Variants in STAU2 observed in about 807,000 individuals in gnomAD.
STAU2 encodes double-stranded RNA-binding protein Staufen homolog 2.
A neutral mutation model predicts 65.9 loss-of-function variants in STAU2; 20 were observed. The observed-to-expected ratio is 0.30, with a 90% CI of 0.21 to 0.44. The LOEUF (loss-of-function observed/expected upper bound fraction) is 0.44. STAU2 is among the 20% of genes least tolerant of loss of function. STAU2 has a pLI of 1.00. For synonymous variants in STAU2, 232 were observed against 233.9 expected (o/e 0.99, Z 0.07); for missense variants, 558 against 683.9 (o/e 0.82, Z 2.05).
intron 6 of STAU2, among the ~76,000 whole-genome samples, chr8:73,643,269 T>C (rs1815128203): frequency 6.6e-6 from 1 of 152,218 alleles, no homozygotes. Flanking sequence ...TAGCCTTTAA[T>C]TAATATAGCA....
At position 73,603,803 on chromosome 8, in the gene STAU2, C is replaced by T. The variant is rs771387327; in HGVS notation, c.952G>A (p.Ala318Thr). The change falls in exon 10 of 15, where the codon GCC (alanine) becomes ACC (threonine). Residue 318 changes from alanine (A) to threonine (T), a missense_variant. Physicochemically the swap from Ala to Thr is moderately conservative, Grantham distance 58. Around this residue, in one of 3 missense-constraint regions of STAU2, gnomAD observed 199 missense variants for 299.5 expected, o/e 0.66. Coordinates refer to ENST00000524300, the MANE Select transcript of STAU2 (RefSeq NM_001164380.2). Reference protein sequence around the residue: ...PISRLAQIQQAKKEKEPDYVL... With the variant: ...PISRLAQIQQTKKEKEPDYVL... The stretch of plus-strand genomic sequence containing the variant: ...TAATCCGGCTCCTTTTCCTTTTTGG[C>T]CTGTTGAATTTGCGCCAGGCGGCTA... The T allele has an allele frequency of 6.2e-7, 1 of 1,611,848 alleles. No individual in the cohort carries two copies. Among genetic ancestry groups the T allele is most frequent in the Admixed American group, 1.7e-5 (1 of 59,940 alleles).
At chr8:73,549,701 A>G (rs546507835) in intron 13 of STAU2, 1 of 985,542 alleles carries the variant, frequency 1.0e-6, no homozygotes, top group African/African-American at 1.7e-5. Context: ...TGGGCAAGGA[A>G]AGCCAAAGAA....
intron 6 of STAU2, among the ~76,000 whole-genome samples, chr8:73,618,148 G>A (rs758414084): frequency 2.0e-5 from 3 of 152,150 alleles, no homozygotes; most frequent in Non-Finnish European, 2.9e-5. Flanking sequence ...TTTATGGAGC[G>A]TCTTCTATTT....
intron 6 of STAU2, among the ~76,000 whole-genome samples, chr8:73,633,699 G>C (rs1375121563): frequency 6.6e-6 from 1 of 152,144 alleles, no homozygotes; most frequent in Non-Finnish European, 1.5e-5. Context: ...AGACCACTGA[G>C]GCCAGGCACG....
At chr8:73,721,406 G>A (rs1160739444) in intron 3 of STAU2, among the ~76,000 whole-genome samples, 2 of 151,094 alleles carry the variant, frequency 1.3e-5, no homozygotes, top group Non-Finnish European at 2.9e-5. Flanking sequence ...TAGGTAGAGT[G>A]TTCTATAAAT....
chr8:73,505,274 G>C (rs11995768), intron 13 of STAU2, among the ~76,000 whole-genome samples: 3 of 151,886 alleles, frequency 2.0e-5, no homozygotes, highest in Admixed American at 1.3e-4. Flanking sequence ...AAACAGTTAA[G>C]CAAAAGGAAC....
At chr8:73,716,849 A>G (rs1821285381) in intron 3 of STAU2, among the ~76,000 whole-genome samples, 1 of 152,126 alleles carries the variant, frequency 6.6e-6, no homozygotes, top group Non-Finnish European at 1.5e-5. Flanking sequence ...CACGCCTGTA[A>G]TCCCAGTACT....
intron 13 of STAU2, among the ~76,000 whole-genome samples, chr8:73,435,672 T>C (rs1488692712): frequency 1.3e-5 from 2 of 151,986 alleles, no homozygotes; most frequent in Non-Finnish European, 2.9e-5. Context: ...CCAAGGAATA[T>C]GGATAATAGT....
At chr8:73,524,896 C>T (rs182144752) in intron 13 of STAU2, among the ~76,000 whole-genome samples, 1 of 152,262 alleles carries the variant, frequency 6.6e-6, no homozygotes, top group East Asian at 1.9e-4. Flanking sequence ...GATGCTGCTA[C>T]GGTGAAGGAG....
chr8:73,648,346 A>G (rs952761937), intron 6 of STAU2, among the ~76,000 whole-genome samples: 1 of 152,224 alleles, frequency 6.6e-6, no homozygotes, highest in African/African-American at 2.4e-5. Flanking sequence ...TATTTTGTAA[A>G]ATGGGTTTGA....
Position 73,622,478 on chromosome 8 carries a change from G to C in STAU2, c.411-5027C>G, listed in dbSNP as rs1813339357. Among the ~76,000 whole-genome samples the C allele has an allele frequency of 1.3e-5, 2 of 152,064 alleles. 1 individual carries two copies. The highest frequency in any genetic ancestry group is 4.2e-4 in the South Asian group (2 of 4,812). ...TCCTCACTACAGCCTGGTGAGGCAG[G>C]AGATGTCCCCAAGGTCACCTTAAGA... On this transcript the variant is annotated intron_variant, in intron 6 of 14. Coordinates refer to ENST00000524300, the MANE Select transcript of STAU2 (RefSeq NM_001164380.2).
At chr8:73,435,657 T>A (rs1452220536) in intron 13 of STAU2, among the ~76,000 whole-genome samples, 2 of 151,964 alleles carry the variant, frequency 1.3e-5, no homozygotes, top group Admixed American at 6.5e-5. Context: ...CCCCATAATT[T>A]ACCTCCAAGG....
intron 12 of STAU2, 77 bp from the exon 13 acceptor site, chr8:73,552,396 C>G: frequency 7.7e-7 from 1 of 1,297,170 alleles, no homozygotes; most frequent in Non-Finnish European, 1.0e-6. Flanking sequence ...AACTCAATGG[C>G]TTTACTTGGT....
At chr8:73,741,304 CA>C (rs761906073) in intron 1 of STAU2, among the ~76,000 whole-genome samples, 67 of 112,000 alleles carry the variant, frequency 6.0e-4, no homozygotes, top group Admixed American at 6.1e-4. Flanking sequence ...GACTCCGTCT[CA>C]AAAAAAAAAA....
intron 13 of STAU2, among the ~76,000 whole-genome samples, chr8:73,486,623 A>C (rs1820921583): frequency 6.9e-6 from 1 of 145,958 alleles, no homozygotes; most frequent in Admixed American, 6.9e-5. Flanking sequence ...ATATATATAT[A>C]TATACACATT....
chr8:73,500,870 A>G (rs748978062), intron 13 of STAU2, among the ~76,000 whole-genome samples: 3 of 151,916 alleles, frequency 2.0e-5, no homozygotes, highest in Non-Finnish European at 2.9e-5. Flanking sequence ...ATTTTCTCAC[A>G]TTCTGCTAAA....
At position 73,673,097 on chromosome 8, in the gene STAU2, A is replaced by G. The variant is rs1817798397; in HGVS notation, c.410+10T>C. ...ATAATTAAGAACAAAACCAAAAAAG[A>G]CATACAAACCTCTGATTGTACATGC... On this transcript the variant is annotated intron_variant, in intron 6 of 14. Transcript: ENST00000524300. 1.3e-6 allele frequency: 2 copies of G among 1,547,444 alleles called. No individual in the cohort carries two copies. The highest frequency in any genetic ancestry group is 4.3e-5 in the Admixed American group (2 of 46,648).
At chr8:73,738,131 C>G (rs1014657508) in intron 3 of STAU2, among the ~76,000 whole-genome samples, 153 bp downstream of exon 3, 10 of 152,186 alleles carry the variant, frequency 6.6e-5, no homozygotes, top group African/African-American at 2.4e-4. Context: ...ACCTGCCCTA[C>G]ACAGCCTCCA....
intron 4 of STAU2, among the ~76,000 whole-genome samples, chr8:73,706,814 T>C (rs1460313125): frequency 6.6e-6 from 1 of 152,192 alleles, no homozygotes; most frequent in African/African-American, 2.4e-5. Context: ...CCCACTGTCA[T>C]CTACTTTCAT....
Sources: allele counts gnomAD v4.1 joint callset (sites outside exome capture counted in the v4.1 genomes callset), GRCh38; gene constraint gnomAD v4.1.1; regional missense constraint gnomAD v4.1.1; transcripts MANE v1.5; gene names NCBI Gene and HGNC (gene_info 2026-07-23, HGNC 2026-07-21).